Variants in EXOC6B observed in about 807,000 individuals in gnomAD.
EXOC6B encodes the protein SEC15 homolog B.
Under a neutral mutation model 113.5 loss-of-function variants are expected in EXOC6B, and 54 were observed. That is an observed-to-expected ratio of 0.48 (90% CI 0.38 to 0.60). EXOC6B has a LOEUF of 0.60. Among genes scored for constraint, EXOC6B ranks in the 20% least tolerant of loss-of-function variants. The probability of loss-of-function intolerance (pLI) is 0.00; values close to 1 mark genes in which losing one functional copy is unlikely to be tolerated. For missense variants in EXOC6B, 797 were observed against 977.5 expected (o/e 0.82, Z 2.46); for synonymous variants, 357 against 339.0 (o/e 1.05, Z -0.58).
chr2:72,802,847 G>A (rs1478005261), intron 1 of EXOC6B, among the ~76,000 whole-genome samples: 1 of 152,168 alleles, frequency 6.6e-6, no homozygotes, highest in African/African-American at 2.4e-5. Flanking sequence ...TTTGAAACTA[G>A]ATAGAAAGGC....
chr2:72,441,508 GAAGAA>G (rs1256266326), intron 18 of EXOC6B, among the ~76,000 whole-genome samples: 2 of 149,532 alleles, frequency 1.3e-5, no homozygotes, highest in Admixed American at 6.7e-5. Context: ...GAATAATAAA[GAAGAA>G]AAGAGAGAAG....
chr2:72,609,296 C>G (rs1029025044), intron 6 of EXOC6B, among the ~76,000 whole-genome samples: 4 of 151,708 alleles, frequency 2.6e-5, no homozygotes, highest in African/African-American at 9.7e-5. Context: ...CTGACAAAAA[C>G]TTAAATAACT....
chr2:72,261,285 G>A (rs1388876504), intron 20 of EXOC6B, among the ~76,000 whole-genome samples: 2 of 152,192 alleles, frequency 1.3e-5, no homozygotes, highest in East Asian at 1.9e-4. Context: ...CAGGGAACTC[G>A]TGATCATATC....
chr2:72,555,006 T>C (rs571321035), intron 8 of EXOC6B, among the ~76,000 whole-genome samples: 31 of 151,988 alleles, frequency 2.0e-4, no homozygotes, highest in Non-Finnish European at 3.7e-4. Flanking sequence ...ACATGTGGTG[T>C]TTGGTTTTCT....
intron 6 of EXOC6B, among the ~76,000 whole-genome samples, chr2:72,598,776 T>C (rs1160710118): frequency 6.6e-6 from 1 of 152,060 alleles, no homozygotes; most frequent in Non-Finnish European, 1.5e-5. Flanking sequence ...AACAAATCTA[T>C]ACTCATGAAT....
chr2:72,456,887 G>A (rs1055839721), intron 18 of EXOC6B, among the ~76,000 whole-genome samples: 1 of 152,042 alleles, frequency 6.6e-6, no homozygotes, highest in Non-Finnish European at 1.5e-5. Context: ...GTCACATCTG[G>A]TTAGGAGAAC....
chr2:72,353,007 G>C (rs1034456814), intron 19 of EXOC6B, among the ~76,000 whole-genome samples: 1 of 152,158 alleles, frequency 6.6e-6, no homozygotes, highest in Non-Finnish European at 1.5e-5. Context: ...AGACAAGCAA[G>C]AGCAGTGAAT....
chr2:72,441,553 G>C (rs773985639), intron 18 of EXOC6B, among the ~76,000 whole-genome samples: 4 of 151,682 alleles, frequency 2.6e-5, no homozygotes, highest in African/African-American at 9.7e-5. Flanking sequence ...GAAACAATAA[G>C]GAGGATATTA....
At chr2:72,649,086 G>C (rs539886133) in intron 6 of EXOC6B, among the ~76,000 whole-genome samples, 1 of 152,250 alleles carries the variant, frequency 6.6e-6, no homozygotes, top group African/African-American at 2.4e-5. Flanking sequence ...GCTGTCATGA[G>C]CTATAATCAC....
At chr2:72,205,314 A>G (rs901428508) in intron 20 of EXOC6B, among the ~76,000 whole-genome samples, 2 of 152,040 alleles carry the variant, frequency 1.3e-5, no homozygotes, top group African/African-American at 4.8e-5. Context: ...GACTGACCAG[A>G]TGACCTAAGA....
rs536187321 is a variant in EXOC6B at position 72,475,472 on chromosome 2, C to T, written c.1800+5144G>A. 2.0e-5 allele frequency among the ~76,000 whole-genome samples: 3 copies of T among 152,148 alleles called. No individual in the cohort carries two copies. In the South Asian group the frequency reaches 6.2e-4, roughly 32 times the overall value. ...GGTAGTAGCAGTCATGTGGGTAGGC[C>T]CGACCTCAGGCACCTGGGAGGAGTG... On this transcript the variant is annotated intron_variant, in intron 17 of 21. Coordinates refer to ENST00000272427, the MANE Select transcript of EXOC6B (RefSeq NM_015189.3).
chr2:72,715,531 G>C (rs1354915936), intron 6 of EXOC6B, among the ~76,000 whole-genome samples: 3 of 151,224 alleles, frequency 2.0e-5, no homozygotes, highest in African/African-American at 7.3e-5. Context: ...GCAGCTAGGA[G>C]CTCAAGAGAA....
intron 20 of EXOC6B, among the ~76,000 whole-genome samples, chr2:72,220,350 A>T (rs1227342814): frequency 6.6e-6 from 1 of 152,070 alleles, no homozygotes; most frequent in Non-Finnish European, 1.5e-5. Flanking sequence ...TGCTCTCTAG[A>T]ATCTGGCCAA....
At chr2:72,267,169 G>A (rs941263567) in intron 20 of EXOC6B, among the ~76,000 whole-genome samples, 27 of 152,194 alleles carry the variant, frequency 1.8e-4, no homozygotes, top group African/African-American at 5.3e-4. Context: ...GAGACGATGC[G>A]GTTTTCTAGA....
intron 7 of EXOC6B, among the ~76,000 whole-genome samples, chr2:72,573,477 C>A (rs573332993): frequency 6.6e-6 from 1 of 152,288 alleles, no homozygotes; most frequent in African/African-American, 2.4e-5. Flanking sequence ...TCATTCCAGG[C>A]AAGAAGGGAG....
chr2:72,720,627 C>A (rs1198266996), intron 5 of EXOC6B, among the ~76,000 whole-genome samples: 3 of 151,974 alleles, frequency 2.0e-5, no homozygotes, highest in Non-Finnish European at 2.9e-5. Context: ...GTGGCGTGCA[C>A]CCGTAGTCCC....
intron 20 of EXOC6B, among the ~76,000 whole-genome samples, chr2:72,302,791 C>CT: frequency 6.6e-6 from 1 of 152,028 alleles, no homozygotes; most frequent in South Asian, 2.1e-4. Flanking sequence ...CAGCTTGCCA[C>CT]TCCGTGCCTT....
At chr2:72,221,585 T>A (rs947712835) in intron 20 of EXOC6B, among the ~76,000 whole-genome samples, 1 of 152,188 alleles carries the variant, frequency 6.6e-6, no homozygotes, top group Non-Finnish European at 1.5e-5. Context: ...TTATGCTTAT[T>A]ATTTATCTAT....
chr2:72,203,690 T>C (rs1272924166), intron 20 of EXOC6B, among the ~76,000 whole-genome samples: 1 of 152,240 alleles, frequency 6.6e-6, no homozygotes, highest in East Asian at 1.9e-4. Context: ...TAAGCAATTA[T>C]TCCTGCTCCT....
Sources: allele counts gnomAD v4.1 joint callset (sites outside exome capture counted in the v4.1 genomes callset), GRCh38; gene constraint gnomAD v4.1.1; transcripts MANE v1.5; gene names NCBI Gene and HGNC (gene_info 2026-07-23, HGNC 2026-07-21).